The following DCC variants were observed in gnomAD, a reference collection of about 807,000 sequenced individuals.
The protein encoded by DCC is DCC netrin 1 receptor.
Under a neutral mutation model 172.5 loss-of-function variants are expected in DCC, and 58 were observed. That is an observed-to-expected ratio of 0.34 (90% CI 0.27 to 0.42). DCC has a LOEUF of 0.42. Ranked by LOEUF, DCC falls within the 10% of genes least tolerant of loss-of-function variation. The probability of loss-of-function intolerance (pLI) is 1.00; values close to 1 mark genes in which losing one functional copy is unlikely to be tolerated. For missense variants in DCC, 1,740 were observed against 1,791.0 expected (o/e 0.97, Z 0.51); for synonymous variants, 709 against 644.5 (o/e 1.10, Z -1.52).
intron 7 of DCC, among the ~76,000 whole-genome samples, chr18:53,156,906 G>T (rs558033259): frequency 2.6e-5 from 4 of 152,208 alleles, no homozygotes; most frequent in South Asian, 2.1e-4. Context: ...TACTTAAAAT[G>T]ATTTGTCTTT....
At chr18:53,086,572 C>A (rs1247630286) in intron 7 of DCC, among the ~76,000 whole-genome samples, 1 of 39,754 alleles carries the variant, frequency 2.5e-5, no homozygotes, top group Admixed American at 1.9e-4. Context: ...TCTTCTTCTT[C>A]TTTCTTCTTC....
At chr18:52,963,205 G>C (rs1404321023) in intron 5 of DCC, among the ~76,000 whole-genome samples, 5 of 151,076 alleles carry the variant, frequency 3.3e-5, no homozygotes, top group African/African-American at 4.9e-5. Context: ...AAATATCAAG[G>C]GATATAGATT....
At chr18:53,254,111 A>G (rs1413328470) in intron 12 of DCC, among the ~76,000 whole-genome samples, 1 of 152,088 alleles carries the variant, frequency 6.6e-6, no homozygotes, top group Non-Finnish European at 1.5e-5. Flanking sequence ...TGTAAAAAAG[A>G]ATGATTATTT....
At position 52,564,667 on chromosome 18, in the gene DCC, TGGG is replaced by T. The variant is rs66655401; in HGVS notation, c.92-187378_92-187376del. 1.2e-4 allele frequency among the ~76,000 whole-genome samples: 13 copies of T among 110,554 alleles called. No homozygotes were observed. In the East Asian group the frequency reaches 2.0e-3, roughly 17 times the overall value. The allele number at this position is 110,554 out of a possible 152,430, so 72.5% of individuals were successfully genotyped here. On this transcript the variant is annotated intron_variant, in intron 1 of 28. Coordinates refer to ENST00000442544, the MANE Select transcript of DCC (RefSeq NM_005215.4). ...TATGGGATATCTTTTATTATAATAT[TGGG>T]GGGGGGGGTGTTAAAATGCCTCTTT...
chr18:53,049,182 T>A (rs1233010114), intron 5 of DCC, among the ~76,000 whole-genome samples: 2 of 85,030 alleles, frequency 2.4e-5, no homozygotes. Context: ...GGCTCTTTAG[T>A]TTAATTAGGT....
chr18:53,116,353 A>C (rs1381274371), intron 7 of DCC, among the ~76,000 whole-genome samples: 1 of 151,734 alleles, frequency 6.6e-6, no homozygotes, highest in Non-Finnish European at 1.5e-5. Context: ...GATACGCCTT[A>C]TGTAAATGGA....
chr18:52,872,985 T>C (rs866042825), intron 2 of DCC, among the ~76,000 whole-genome samples: 2 of 152,238 alleles, frequency 1.3e-5, no homozygotes, highest in South Asian at 2.1e-4. Flanking sequence ...TTAGAAAATA[T>C]TTAAATTATC....
intron 1 of DCC, among the ~76,000 whole-genome samples, chr18:52,576,638 G>A (rs2144768543): frequency 6.6e-6 from 1 of 152,066 alleles, no homozygotes; most frequent in East Asian, 1.9e-4. Context: ...GACCATCCTG[G>A]CTAACATAGT....
chr18:52,419,589 A>C (rs138297635), intron 1 of DCC: 257 of 152,278 alleles, frequency 1.7e-3, no homozygotes, highest in African/African-American at 6.0e-3. Context: ...ATTTCCTAGG[A>C]ATTCAACTAT....
chr18:53,130,826 T>C (rs2043640316), intron 7 of DCC, among the ~76,000 whole-genome samples: 1 of 152,096 alleles, frequency 6.6e-6, no homozygotes, highest in Non-Finnish European at 1.5e-5. Flanking sequence ...CTTGATTATG[T>C]GTGTTTTCTA....
chr18:53,271,666 GC>G lies in DCC; in HGVS notation c.1912-33910del. Reference sequence around the variant, plus strand: ...AAGCCAGCAAGACAGGGAAACTCAAGCCGGAAGCTATCTTTTGTGACCTTTT... The same window carrying G: ...AAGCCAGCAAGACAGGGAAACTCAAGCGGAAGCTATCTTTTGTGACCTTTT... On this transcript the variant is annotated intron_variant, in intron 12 of 28. Coordinates refer to ENST00000442544, the MANE Select transcript of DCC (RefSeq NM_005215.4). 2.0e-5 allele frequency among the ~76,000 whole-genome samples: 3 copies of G among 152,238 alleles called. No individual in the cohort carries two copies. In the Middle Eastern group the frequency reaches 0.01, roughly 518 times the overall value.
intron 1 of DCC, among the ~76,000 whole-genome samples, chr18:52,686,555 A>G (rs1374528088): frequency 6.6e-6 from 1 of 152,100 alleles, no homozygotes; most frequent in Non-Finnish European, 1.5e-5. Context: ...ACAGTGTCCA[A>G]AACCCAGAAA....
intron 5 of DCC, among the ~76,000 whole-genome samples, chr18:52,934,215 C>T (rs938564052): frequency 5.9e-5 from 9 of 151,906 alleles, no homozygotes; most frequent in Admixed American, 2.6e-4. Context: ...ATCAATATAA[C>T]AGTATCTAGT....
At chr18:52,807,831 G>C (rs9947544) in intron 2 of DCC, among the ~76,000 whole-genome samples, 1 of 152,028 alleles carries the variant, frequency 6.6e-6, no homozygotes, top group Non-Finnish European at 1.5e-5. Context: ...GTGATTTTAC[G>C]TTTTCTTATT....
At chr18:52,834,744 C>A (rs1355213678) in intron 2 of DCC, among the ~76,000 whole-genome samples, 1 of 151,672 alleles carries the variant, frequency 6.6e-6, no homozygotes, top group Non-Finnish European at 1.5e-5. Flanking sequence ...CTTAGTGACA[C>A]CATTTTTTTA....
At chr18:53,432,848 T>A (rs1398564674) in intron 21 of DCC, among the ~76,000 whole-genome samples, 1 of 152,032 alleles carries the variant, frequency 6.6e-6, no homozygotes, top group Non-Finnish European at 1.5e-5. Flanking sequence ...AAAATTAAAA[T>A]TAAAATTAAA....
chr18:52,787,979 A>G (rs2037690142), intron 2 of DCC, among the ~76,000 whole-genome samples: 1 of 152,150 alleles, frequency 6.6e-6, no homozygotes, highest in Non-Finnish European at 1.5e-5. Flanking sequence ...TGAAATCTGT[A>G]CAAGCCTTTT....
intron 2 of DCC, chr18:52,818,241 A>T (rs1248847390): frequency 6.9e-6 from 1 of 144,870 alleles, no homozygotes; most frequent in East Asian, 1.9e-4. Context: ...TTAGCTGAGT[A>T]TGGTGACAAA....
chr18:52,619,048 G>A (rs2034434647), intron 1 of DCC, among the ~76,000 whole-genome samples: 1 of 152,020 alleles, frequency 6.6e-6, no homozygotes, highest in Non-Finnish European at 1.5e-5. Flanking sequence ...AGCAATTCTT[G>A]TGCCTCAGCC....
Sources: allele counts gnomAD v4.1 joint callset (sites outside exome capture counted in the v4.1 genomes callset), GRCh38; gene constraint gnomAD v4.1.1; transcripts MANE v1.5; gene names NCBI Gene and HGNC (gene_info 2026-07-23, HGNC 2026-07-21).